BCHE: variants seen among roughly 807,000 people sequenced by gnomAD.
The protein encoded by BCHE is cholinesterase.
In BCHE, 48 loss-of-function variants were observed where a neutral mutation model predicts 51.3. That is an observed-to-expected ratio of 0.94 (90% CI 0.74 to 1.19). The LOEUF is 1.19. Among genes scored for constraint, BCHE ranks in the 50% most tolerant of loss-of-function variants. The pLI is 0.00. For synonymous variants in BCHE, 251 were observed against 238.0 expected, an observed-to-expected ratio of 1.05 and a Z score of -0.50; for missense variants, 847 against 708.2, an observed-to-expected ratio of 1.20 and a Z score of -2.23.
In BCHE at chr3:165,773,482, T is replaced by C. The variant is rs1168881053; in HGVS notation, c.1709A>G (p.Glu570Gly). ...MTGNIDEAEW[E>G]WKAGFHRWNN... ...CCAGCGATGGAATCCTGCTTTCCAC[T>C]CCCATTCTGCTTCATCAATATTTCC... The change falls in exon 4 of 4, where the codon GAG becomes GGG. Residue 570 changes from glutamate to glycine, a missense_variant. Transcript: ENST00000264381. 4 of 1,608,016 alleles carry C rather than the reference T, an allele frequency of 2.5e-6. No homozygotes were observed. Among genetic ancestry groups the C allele is most frequent in the African/African-American group, 2.7e-5 (2 of 74,904 alleles).
intron 3 of BCHE, among the ~76,000 whole-genome samples, chr3:165,783,203 TATC>T (rs1401762943): frequency 2.6e-5 from 4 of 152,252 alleles, no homozygotes; most frequent in African/African-American, 7.2e-5. Flanking sequence ...TTATTAAACT[TATC>T]ATGGAATGCA....
intron 3 of BCHE, among the ~76,000 whole-genome samples, chr3:165,775,761 T>C (rs1396946440): frequency 6.6e-6 from 1 of 151,958 alleles, no homozygotes; most frequent in Non-Finnish European, 1.5e-5. Context: ...AATCTAAATC[T>C]GCTTTAGAAA....
intron 2 of BCHE, among the ~76,000 whole-genome samples, chr3:165,810,628 C>A (rs138834667): frequency 1.9e-3 from 286 of 152,220 alleles, no homozygotes; most frequent in African/African-American, 6.7e-3. Context: ...CACTAGTCGA[C>A]GTGCTGCTGG....
At chr3:165,828,004 G>T in intron 2 of BCHE, 2 of 455,744 alleles carry the variant, frequency 4.4e-6, no homozygotes, top group Non-Finnish European at 8.8e-6. Context: ...GTACTTCAAT[G>T]AATATCAAAT....
At chr3:165,806,450 T>G (rs1265524482) in intron 2 of BCHE, among the ~76,000 whole-genome samples, 1 of 152,206 alleles carries the variant, frequency 6.6e-6, no homozygotes, top group Non-Finnish European at 1.5e-5. Context: ...ATTGCTTATT[T>G]GCTGTTATCT....
chr3:165,795,751 G>T (rs570129180), intron 2 of BCHE, among the ~76,000 whole-genome samples: 19 of 152,126 alleles, frequency 1.2e-4, no homozygotes, highest in African/African-American at 3.9e-4. Context: ...TTAGAAATTT[G>T]CAAAAATTCA....
At chr3:165,778,881 A>G (rs183881196) in intron 3 of BCHE, 18 of 183,508 alleles carry the variant, frequency 9.8e-5, no homozygotes, top group Admixed American at 3.1e-4. Context: ...AGGAAAGATA[A>G]CCCATTTAAA....
At chr3:165,790,025 G>A (rs1459040022) in intron 2 of BCHE, among the ~76,000 whole-genome samples, 1 of 152,074 alleles carries the variant, frequency 6.6e-6, no homozygotes, top group African/African-American at 2.4e-5. Context: ...ATGAGGACTG[G>A]GGATAAATAG....
chr3:165,835,331 T>C (rs1438014599), intron 1 of BCHE, among the ~76,000 whole-genome samples: 1 of 151,872 alleles, frequency 6.6e-6, no homozygotes. Context: ...TTTTTTGGGA[T>C]ACTTGAATAT....
At chr3:165,836,027 A>G (rs1032939850) in intron 1 of BCHE, among the ~76,000 whole-genome samples, 1 of 151,994 alleles carries the variant, frequency 6.6e-6, no homozygotes, top group African/African-American at 2.4e-5. Flanking sequence ...CCAAATTTAT[A>G]GATAAGATGT....
chr3:165,836,982 G>A (rs1715212339), intron 1 of BCHE, among the ~76,000 whole-genome samples: 1 of 152,268 alleles, frequency 6.6e-6, no homozygotes, highest in African/African-American at 2.4e-5. Flanking sequence ...TTAAGGGTAA[G>A]CCAGTATGAA....
chr3:165,786,468 T>A lies in BCHE; in HGVS notation c.1518-157A>T, dbSNP rs551493992. Reference sequence around the variant, plus strand: ...ATATGAAACGTATGTGAACTGGGCTTAGTGGTTTGAGCACTGAGAACCACT... The same window carrying A: ...ATATGAAACGTATGTGAACTGGGCTAAGTGGTTTGAGCACTGAGAACCACT... On this transcript the variant is annotated intron_variant, in intron 2 of 3. Coordinates refer to ENST00000264381, the MANE Select transcript of BCHE (RefSeq NM_000055.4). 6.4e-4 allele frequency among the ~76,000 whole-genome samples: 97 copies of A among 151,980 alleles called. 1 individual carries two copies. The South Asian group carries it at 0.019, about 30-fold the overall frequency.
intron 2 of BCHE, among the ~76,000 whole-genome samples, chr3:165,795,437 T>A (rs989252047): frequency 1.4e-4 from 21 of 152,240 alleles, no homozygotes; most frequent in African/African-American, 5.1e-4. Context: ...GCAGAAAAAA[T>A]TAGTTACCAA....
At chr3:165,812,870 G>A (rs187272974) in intron 2 of BCHE, among the ~76,000 whole-genome samples, 2,726 of 151,924 alleles carry the variant, frequency 0.018, 79 homozygotes, top group African/African-American at 0.062. Context: ...TTAAAGGACT[G>A]GGGTCCATAG....
chr3:165,792,935 C>A (rs190298744), intron 2 of BCHE, among the ~76,000 whole-genome samples: 81 of 152,192 alleles, frequency 5.3e-4, no homozygotes, highest in African/African-American at 1.9e-3. Flanking sequence ...TAAACAATGT[C>A]TTTTATTGAT....
intron 2 of BCHE, among the ~76,000 whole-genome samples, chr3:165,808,305 C>A (rs1713947892): frequency 6.6e-6 from 1 of 151,856 alleles, no homozygotes; most frequent in Non-Finnish European, 1.5e-5. Flanking sequence ...TGTTCCAACT[C>A]CAGCTATTGA....
chr3:165,826,400 T>C (rs1253721837), intron 2 of BCHE, among the ~76,000 whole-genome samples: 3 of 152,026 alleles, frequency 2.0e-5, no homozygotes, highest in Non-Finnish European at 4.4e-5. Context: ...CAAGATTATA[T>C]AGGCTATGAT....
chr3:165,798,689 TA>T (rs532882325), intron 2 of BCHE, among the ~76,000 whole-genome samples: 24 of 152,200 alleles, frequency 1.6e-4, no homozygotes, highest in Admixed American at 1.4e-3. Context: ...TGTTTCCTAA[TA>T]AAAAGCAATT....
chr3:165,829,696 G>C lies in BCHE; in HGVS notation c.1338C>G (p.Phe446Leu). 6.2e-7 allele frequency: 1 copy of C among 1,613,802 alleles called. No homozygotes were observed. Among genetic ancestry groups the C allele is most frequent in the East Asian group, 2.2e-5 (1 of 44,868 alleles). Residue 446 changes from phenylalanine to leucine, a missense_variant, in exon 2 of 4, where the codon TTC becomes TTG. Coordinates refer to ENST00000264381, the MANE Select transcript of BCHE (RefSeq NM_000055.4). Reference sequence around the variant, plus strand: ...TGGAGGATCGGTGTTCAAAATAGTAGAAAAAGGCATTATTTCCCCATTCTG... The same window carrying C: ...TGGAGGATCGGTGTTCAAAATAGTACAAAAAGGCATTATTTCCCCATTCTG... ...KFSEWGNNAF[F>L]YYFEHRSSKL...
Sources: allele counts gnomAD v4.1 joint callset (sites outside exome capture counted in the v4.1 genomes callset), GRCh38; gene constraint gnomAD v4.1.1; transcripts MANE v1.5; gene names NCBI Gene and HGNC (gene_info 2026-07-23, HGNC 2026-07-21).